AKAP3: variants seen among roughly 807,000 people sequenced by gnomAD.
AKAP3 encodes A-kinase anchoring protein 3.
In AKAP3, 27 loss-of-function variants were observed where a neutral mutation model predicts 57.2. The observed-to-expected ratio is 0.47, with a 90% confidence interval of 0.35 to 0.65. The LOEUF is 0.65. Among genes scored for constraint, AKAP3 ranks in the 30% least tolerant of loss-of-function variants. The pLI, the probability that AKAP3 is intolerant of heterozygous loss-of-function variation, is 0.01. For synonymous variants in AKAP3, 334 were observed against 392.3 expected, an observed-to-expected ratio of 0.85 and a Z score of 1.76; for missense variants, 959 against 1,040.0, an observed-to-expected ratio of 0.92 and a Z score of 1.07.
At chr12:4,631,524 C>T (rs12227238) in intron 4 of AKAP3, 129,420 of 572,018 alleles carry the variant, frequency 0.23, 17,541 homozygotes, top group East Asian at 0.44. Flanking sequence ...GCAATGTCTT[C>T]CCCCAGAGAG....
intron 4 of AKAP3, among the ~76,000 whole-genome samples, chr12:4,632,249 A>T (rs1335205845): frequency 2.0e-5 from 3 of 152,174 alleles, no homozygotes; most frequent in Non-Finnish European, 4.4e-5. Context: ...AAATCTGTTA[A>T]TGAGTCTGTT....
At chr12:4,644,221 A>C (rs1419505716) in intron 2 of AKAP3, among the ~76,000 whole-genome samples, 1 of 152,172 alleles carries the variant, frequency 6.6e-6, no homozygotes, top group Admixed American at 6.5e-5. Context: ...AGTCCCTGTT[A>C]GTATAGATAC....
chr12:4,627,128 T>TC lies in AKAP3; in HGVS notation c.1773dup (p.Ser592GlufsTer5). On this transcript the variant is annotated frameshift_variant, in exon 5 of 6. Transcript: ENST00000228850. LOFTEE classifies it high-confidence loss of function. Reference sequence around the variant, plus strand: ...TTCCGGATGAAATTAAAGAAAACACTCCTTAGGTCCTTCTTTTCTGCTTGT... The same window carrying TC: ...TTCCGGATGAAATTAAAGAAAACACTCCCTTAGGTCCTTCTTTTCTGCTTGT... 1 of 1,614,110 alleles carries TC rather than the reference T, an allele frequency of 6.2e-7. No homozygotes were observed. Among genetic ancestry groups the TC allele is most frequent in the Non-Finnish European group, 8.5e-7 (1 of 1,180,030 alleles).
intron 1 of AKAP3, chr12:4,645,566 G>T (rs1379067479): frequency 1.3e-5 from 2 of 152,128 alleles, no homozygotes; most frequent in East Asian, 1.9e-4. Flanking sequence ...GGTCTCATCT[G>T]GGGATGGTGG....
chr12:4,640,654 C>A (rs992206999), intron 3 of AKAP3, among the ~76,000 whole-genome samples: 1 of 152,194 alleles, frequency 6.6e-6, no homozygotes, highest in African/African-American at 2.4e-5. Context: ...TTTGCTCCTA[C>A]AAGGATTTGT....
chr12:4,633,475 A>G (rs1488643217), intron 4 of AKAP3, among the ~76,000 whole-genome samples: 2 of 152,064 alleles, frequency 1.3e-5, no homozygotes, highest in Admixed American at 1.3e-4. Flanking sequence ...AAAAGGGGTT[A>G]ATCCAACTGT....
chr12:4,631,147 G>A (rs752449845), intron 4 of AKAP3, among the ~76,000 whole-genome samples: 1 of 152,066 alleles, frequency 6.6e-6, no homozygotes, highest in Non-Finnish European at 1.5e-5. Context: ...TTTGTTTTTG[G>A]TTCTCACTTC....
Position 4,626,993 on chromosome 12 carries a change from G to A in AKAP3, c.1909C>T (p.Pro637Ser), listed in dbSNP as rs933472437. ...KLCERPLASS[P>S]PRLYEDDETP... is the part of the protein sequence containing the mutation. ...TCATCATCCTCATATAGCCTGGGGGGAGAAGACGCCAACGGTCTTTCACAC... is the reference window on the plus strand; with the variant it reads ...TCATCATCCTCATATAGCCTGGGGGAAGAAGACGCCAACGGTCTTTCACAC... The change falls in exon 5 of 6, where the codon CCC becomes TCC. Residue 637 changes from proline to serine, a missense_variant. Pro to Ser is a moderately conservative substitution (Grantham distance 74). Transcript: ENST00000228850. The A allele has an allele frequency of 2.5e-6, 4 of 1,614,116 alleles. No homozygotes were observed. In the Admixed American group the frequency reaches 5.0e-5, roughly 20 times the overall value.
intron 3 of AKAP3, among the ~76,000 whole-genome samples, 157 bp from the exon 4 acceptor site, chr12:4,638,353 A>T (rs1945592191): frequency 6.6e-6 from 1 of 152,230 alleles, no homozygotes; most frequent in African/African-American, 2.4e-5. Context: ...TCCACCCTGA[A>T]TAGCTTCATC....
In AKAP3 at chr12:4,631,934, T is replaced by A. The variant is rs187148028; in HGVS notation, c.97-3129A>T. ...GGTTTACAGATCCAAAAAAGCCACATTACTTCTATTTAATGTTTAAGATTA... is the reference window on the plus strand; with the variant it reads ...GGTTTACAGATCCAAAAAAGCCACAATACTTCTATTTAATGTTTAAGATTA... On this transcript the variant is annotated intron_variant, in intron 4 of 5. Transcript: ENST00000228850. Among the ~76,000 whole-genome samples, 3 of 152,228 alleles carry A rather than the reference T, an allele frequency of 2.0e-5. No individual in the cohort carries two copies. The East Asian group carries it at 5.8e-4, about 29-fold the overall frequency.
rs1945275360 is a variant in AKAP3, at chr12:4,615,686, G to A, written c.*53C>T. 3.8e-6 allele frequency: 6 copies of A among 1,580,092 alleles called. No homozygotes were observed. In the South Asian group the frequency reaches 7.0e-5, roughly 18 times the overall value. ...GATGTGGAAGTGAGAAAGAAGGGCG[G>A]GGATAAGGGCCGGCCCCACTGCCAG... is the stretch of plus-strand genomic sequence containing the variant. On this transcript the variant is annotated 3_prime_UTR_variant, in exon 6 of 6. Transcript: ENST00000228850.
At position 4,641,798 on chromosome 12, in the gene AKAP3, T is replaced by C. The variant is rs551215602; in HGVS notation, c.-1+101A>G. On this transcript the variant is annotated intron_variant, in intron 3 of 5. Transcript: ENST00000228850. ...CAAATGAGTTACTCCTAGTAGAAAATTGTGACAAAATCAATAGGATCTATT... is the reference window on the plus strand; with the variant it reads ...CAAATGAGTTACTCCTAGTAGAAAACTGTGACAAAATCAATAGGATCTATT... 9 of 152,266 alleles carry C rather than the reference T, an allele frequency of 5.9e-5. No individual in the cohort carries two copies. The East Asian group carries it at 1.5e-3, about 26-fold the overall frequency. 9.4% of individuals were successfully genotyped at this position (152,266 alleles called of 1,614,324 possible). A position where few individuals can be genotyped will look rare whatever the true frequency, so the allele number is the denominator to read the frequency against.
chr12:4,631,010 C>T (rs966239730), intron 4 of AKAP3, among the ~76,000 whole-genome samples: 1 of 152,148 alleles, frequency 6.6e-6, no homozygotes, highest in Non-Finnish European at 1.5e-5. Flanking sequence ...CCCAATAGAT[C>T]CATCTAATGG....
At chr12:4,635,901 C>T (rs1233961777) in intron 4 of AKAP3, 1 of 717,316 alleles carries the variant, frequency 1.4e-6, no homozygotes, top group Middle Eastern at 2.4e-4. Flanking sequence ...TAGATCTCTC[C>T]ATTTTTTCTT....
At chr12:4,630,807 C>T (rs1945488228) in intron 4 of AKAP3, among the ~76,000 whole-genome samples, 1 of 152,288 alleles carries the variant, frequency 6.6e-6, no homozygotes, top group South Asian at 2.1e-4. Flanking sequence ...TAGAGAAGGT[C>T]AGTTTGCCTC....
At chr12:4,634,332 G>C (rs375138735) in intron 4 of AKAP3, among the ~76,000 whole-genome samples, 1 of 152,156 alleles carries the variant, frequency 6.6e-6, no homozygotes, top group East Asian at 1.9e-4. Context: ...GTCAAAAGGG[G>C]AGAGAGAAAT....
chr12:4,628,880 A>G, intron 4 of AKAP3, 75 bp from the exon 5 acceptor site: 1 of 1,469,998 alleles, frequency 6.8e-7, no homozygotes, highest in Non-Finnish European at 9.2e-7. Flanking sequence ...CTCAAAGTTC[A>G]GTTACAAATG....
chr12:4,617,346 G>C, intron 5 of AKAP3, among the ~76,000 whole-genome samples: 1 of 152,246 alleles, frequency 6.6e-6, no homozygotes, highest in East Asian at 1.9e-4. Context: ...GTTCTTCAGA[G>C]AGAAGGACGA....
rs1486909816 is a variant in AKAP3, at chr12:4,627,971, T to C, written c.931A>G (p.Thr311Ala). The C allele has an allele frequency of 1.2e-6, 2 of 1,613,982 alleles. No individual in the cohort carries two copies. Among genetic ancestry groups the C allele is most frequent in the Non-Finnish European group, 8.5e-7 (1 of 1,180,002 alleles). The change falls in exon 5 of 6, where the codon ACA becomes GCA. Residue 311 changes from threonine (T) to alanine (A), a missense_variant. Thr to Ala is a moderately conservative substitution (Grantham distance 58). Transcript: ENST00000228850. ...MKTLKIQVKDTTIATILLKKV... is the reference protein window; with the variant it reads ...MKTLKIQVKDATIATILLKKV... ...TTCAGTAGGATGGTGGCAATGGTTG[T>C]GTCTTTCACTTGGATCTTCAGTGTC...
Sources: gnomAD v4.1 joint callset for allele counts (sites outside exome capture counted in the v4.1 genomes callset) on GRCh38, gnomAD v4.1.1 for gene constraint, MANE v1.5 for transcripts, NCBI Gene and HGNC (gene_info 2026-07-23, HGNC 2026-07-21) for gene names.